MEI1: variants seen among roughly 807,000 people sequenced by gnomAD.
The protein encoded by MEI1 is meiosis inhibitor protein 1.
A neutral mutation model predicts 146.2 loss-of-function variants in MEI1; 103 were observed. That is an observed-to-expected ratio of 0.70 (90% confidence interval 0.60 to 0.83). MEI1 has a LOEUF of 0.83. MEI1 is among the 40% of genes least tolerant of loss of function. The pLI is 0.00. For synonymous variants in MEI1, 652 were observed against 628.2 expected (o/e 1.04, Z -0.57); for missense variants, 1,529 against 1,533.0 (o/e 1.00, Z 0.04).
intron 2 of MEI1, among the ~76,000 whole-genome samples, chr22:41,703,941 G>A (rs183304903): frequency 3.3e-5 from 5 of 152,224 alleles, no homozygotes; most frequent in East Asian, 1.9e-4. Context: ...AGACCAGTTC[G>A]TGCCACCACA....
At chr22:41,754,458 C>G (rs1324346517) in intron 17 of MEI1, among the ~76,000 whole-genome samples, 1 of 151,894 alleles carries the variant, frequency 6.6e-6, no homozygotes, top group Non-Finnish European at 1.5e-5. Context: ...TATTTTAAGA[C>G]AGTCTCGCTC....
At chr22:41,785,240 A>AC (rs2075919932) in intron 26 of MEI1, among the ~76,000 whole-genome samples, 1 of 134,942 alleles carries the variant, frequency 7.4e-6, no homozygotes. Context: ...TGGCATTTTT[A>AC]TTTTATTTAT....
chr22:41,794,021 T>G, intron 27 of MEI1, 111 bp downstream of exon 27: 1 of 1,074,986 alleles, frequency 9.3e-7, no homozygotes, highest in Non-Finnish European at 1.4e-6. Flanking sequence ...CATACTTGTT[T>G]TGTTTAATTC....
chr22:41,721,338 A>G (rs1042123433), intron 6 of MEI1, among the ~76,000 whole-genome samples: 17 of 136,330 alleles, frequency 1.2e-4, no homozygotes, highest in African/African-American at 4.5e-4. Flanking sequence ...TCCGCCTCCC[A>G]GGTTCAAGCA....
chr22:41,738,529 G>A (rs2072580485), intron 11 of MEI1, among the ~76,000 whole-genome samples: 1 of 152,134 alleles, frequency 6.6e-6, no homozygotes, highest in Non-Finnish European at 1.5e-5. Flanking sequence ...GGAGGTTGCA[G>A]TGAGCCGAGA....
Position 41,746,010 on chromosome 22 carries a change from G to T in MEI1, c.1664G>T (p.Cys555Phe), listed in dbSNP as rs763935081. Residue 555 changes from cysteine (C) to phenylalanine (F), a missense_variant, in exon 14 of 31, where the codon TGT becomes TTT. Cys to Phe is a radical substitution (Grantham distance 205). Around this residue, in one of 3 missense-constraint regions of MEI1, gnomAD observed 1,212 missense variants for 1,178.9 expected, o/e 1.03. Transcript: ENST00000401548. ...EFLLSACDSL[C>F]IPMVMRHLEQ... The stretch of plus-strand genomic sequence containing the variant: ...CTTCTCAGTGCCTGTGACTCGCTGT[G>T]TATCCCCATGGTGATGGTGGGTTCT... 1.9e-6 allele frequency: 3 copies of T among 1,604,270 alleles called. No individual in the cohort carries two copies. The highest frequency in any genetic ancestry group is 2.6e-6 in the Non-Finnish European group (3 of 1,175,138).
chr22:41,699,779 C>T, intron 1 of MEI1, 67 bp downstream of exon 1: 5 of 1,484,378 alleles, frequency 3.4e-6, no homozygotes, highest in Non-Finnish European at 3.6e-6. Context: ...CGCGGCCAGG[C>T]CCTTGCCAGA....
intron 4 of MEI1, 76 bp downstream of exon 4, chr22:41,714,151 T>A: frequency 4.3e-6 from 6 of 1,397,088 alleles, no homozygotes; most frequent in Non-Finnish European, 5.9e-6. Context: ...TTTGAACAAA[T>A]GAGAGATTGA....
chr22:41,712,246 TTTC>T (rs1433026861), intron 3 of MEI1, among the ~76,000 whole-genome samples: 1,556 of 144,846 alleles, frequency 0.011, 40 homozygotes, highest in Admixed American at 0.051. Context: ...TGTTTGTTTG[TTTC>T]TTTGATACGG....
chr22:41,730,275 C>T (rs77275616), intron 8 of MEI1, among the ~76,000 whole-genome samples: 1,794 of 152,298 alleles, frequency 0.012, 40 homozygotes, highest in African/African-American at 0.041. Flanking sequence ...ACTCTACTTC[C>T]GCCACTAATA....
At chr22:41,765,641 A>G (rs894621078) in intron 19 of MEI1, among the ~76,000 whole-genome samples, 3 of 152,044 alleles carry the variant, frequency 2.0e-5, no homozygotes, top group Middle Eastern at 3.2e-3. Flanking sequence ...TTTTATTTTT[A>G]TCTCATTTGC....
chr22:41,763,411 C>T, intron 19 of MEI1, 90 bp downstream of exon 19: 6 of 1,447,326 alleles, frequency 4.1e-6, no homozygotes, highest in Non-Finnish European at 5.7e-6. Context: ...AGTGTATAGA[C>T]AAGCGGGTGG....
At chr22:41,729,551 G>A in intron 7 of MEI1, 114 bp from the exon 8 acceptor site, 1 of 697,044 alleles carries the variant, frequency 1.4e-6, no homozygotes, top group South Asian at 1.6e-5. Context: ...CTGGTGCCAT[G>A]TGGGACAGGA....
chr22:41,781,769 C>T lies in MEI1; in HGVS notation c.3011C>T (p.Pro1004Leu), dbSNP rs762518717. Reference sequence around the variant, plus strand: ...CTCACCTTGGCAAAGGCAGATTCTCCCAGGACTGCACTCCTCTGCTCTGCC... The same window carrying T: ...CTCACCTTGGCAAAGGCAGATTCTCTCAGGACTGCACTCCTCTGCTCTGCC... ...LALTLAKADS[P>L]RTALLCSAWL... The change falls in exon 24 of 31, where the codon CCC (proline) becomes CTC (leucine). Residue 1004 changes from proline (P) to leucine (L), a missense_variant. Around this residue, in one of 3 missense-constraint regions of MEI1, gnomAD observed 313 missense variants for 337.3 expected, o/e 0.93. Transcript: ENST00000401548. 13 of 1,613,848 alleles carry T rather than the reference C, an allele frequency of 8.1e-6. No individual in the cohort carries two copies. Among genetic ancestry groups the T allele is most frequent in the Non-Finnish European group, 1.0e-5 (12 of 1,179,904 alleles).
rs2075399982 is a variant in MEI1, at chr22:41,775,632, C to T, written c.2545-470C>T. ...TTTTTGAGACAGAGTTTTGCTCTGT[C>T]ACCCAGTCTAGAGTGCAGTAGTGCG... is the stretch of plus-strand genomic sequence containing the variant. On this transcript the variant is annotated intron_variant, in intron 20 of 30. Transcript: ENST00000401548. Among the ~76,000 whole-genome samples, 3 of 143,356 alleles carry T rather than the reference C, an allele frequency of 2.1e-5. No individual in the cohort carries two copies. In the Admixed American group the frequency reaches 2.2e-4, roughly 11 times the overall value. 94.0% of individuals were successfully genotyped at this position (143,356 alleles called of 152,430 possible). A position where few individuals can be genotyped will look rare whatever the true frequency, so the allele number is the denominator to read the frequency against.
At chr22:41,760,721 G>A (rs2074428251) in intron 18 of MEI1, among the ~76,000 whole-genome samples, 1 of 152,200 alleles carries the variant, frequency 6.6e-6, no homozygotes, top group South Asian at 2.1e-4. Context: ...ACATGAAAGG[G>A]TCGTGATTGA....
At chr22:41,713,974 G>GGCT (rs1407744682) in intron 3 of MEI1, 28 bp from the exon 4 acceptor site, 3 of 1,561,244 alleles carry the variant, frequency 1.9e-6, no homozygotes, top group Non-Finnish European at 2.6e-6. Context: ...GGTGCCTCCT[G>GGCT]GTTAGTAATA....
intron 20 of MEI1, among the ~76,000 whole-genome samples, chr22:41,772,818 T>C (rs2075257609): frequency 6.6e-6 from 1 of 152,176 alleles, no homozygotes; most frequent in Non-Finnish European, 1.5e-5. Flanking sequence ...GCCTCCTGGC[T>C]GTATGGTGAT....
chr22:41,740,741 CAAAA>C (rs1393231671), intron 11 of MEI1, among the ~76,000 whole-genome samples: 1 of 151,786 alleles, frequency 6.6e-6, no homozygotes, highest in Non-Finnish European at 1.5e-5. Context: ...AAAACAAAAA[CAAAA>C]ACAAAAACAA....
Sources: gnomAD v4.1 joint callset for allele counts (sites outside exome capture counted in the v4.1 genomes callset) on GRCh38, gnomAD v4.1.1 for gene constraint, gnomAD v4.1.1 regional missense constraint, MANE v1.5 for transcripts, NCBI Gene and HGNC (gene_info 2026-07-23, HGNC 2026-07-21) for gene names.